CDH4: variants seen among roughly 807,000 people sequenced by gnomAD.
CDH4 encodes the protein cadherin 4, also known as cadherin-4.
In CDH4, 33 loss-of-function variants were observed where a neutral mutation model predicts 86.0. The observed-to-expected ratio is 0.38, with a 90% CI of 0.29 to 0.51. The LOEUF is 0.51. CDH4 is among the 20% of genes least tolerant of loss of function. The pLI, the probability that CDH4 is intolerant of heterozygous loss-of-function variation, is 0.86. For synonymous variants in CDH4, 555 were observed against 549.4 expected, an observed-to-expected ratio of 1.01 and a Z score of -0.14; for missense variants, 1,114 against 1,307.4, an observed-to-expected ratio of 0.85 and a Z score of 2.28.
chr20:61,459,558 G>C (rs554138033), intron 2 of CDH4, among the ~76,000 whole-genome samples: 1 of 150,488 alleles, frequency 6.6e-6, no homozygotes, highest in South Asian at 2.3e-4. Flanking sequence ...GCCTAGGATG[G>C]GGGACGCTCA....
intron 2 of CDH4, among the ~76,000 whole-genome samples, chr20:61,406,315 A>G (rs1410478783): frequency 1.4e-5 from 2 of 145,124 alleles, no homozygotes; most frequent in African/African-American, 2.6e-5. Flanking sequence ...CTCTGCCTGG[A>G]CCACCATCTG....
intron 2 of CDH4, among the ~76,000 whole-genome samples, chr20:61,459,311 G>A (rs1217473279): frequency 6.6e-6 from 1 of 152,054 alleles, no homozygotes; most frequent in Non-Finnish European, 1.5e-5. Context: ...GTGTTCACTT[G>A]TGGGGTTGGG....
intron 2 of CDH4, among the ~76,000 whole-genome samples, chr20:61,679,866 C>T (rs1266990738): frequency 6.6e-6 from 1 of 152,230 alleles, no homozygotes; most frequent in Admixed American, 6.5e-5. Flanking sequence ...GGGCCCCCAT[C>T]TGGGTGGACT....
rs182831126 is a variant in CDH4, at chr20:61,413,984, C to T, written c.169+159047C>T. Among the ~76,000 whole-genome samples, 6 of 152,306 alleles carry T rather than the reference C, an allele frequency of 3.9e-5. No individual in the cohort carries two copies. The East Asian group carries it at 1.2e-3, about 29-fold the overall frequency. On this transcript the variant is annotated intron_variant, in intron 2 of 15. Coordinates refer to ENST00000614565, the MANE Select transcript of CDH4 (RefSeq NM_001794.5). ...TTTCTCCTGAGGCTTCTCTCCTTGG[C>T]TTGTGGATGCCATCTCCACCCTGTG...
chr20:61,776,364 G>A (rs1311656589), intron 4 of CDH4, among the ~76,000 whole-genome samples: 3 of 152,242 alleles, frequency 2.0e-5, no homozygotes, highest in Admixed American at 2.0e-4. Context: ...GAAATGTGCA[G>A]GGAGGAATTG....
intron 2 of CDH4, among the ~76,000 whole-genome samples, chr20:61,574,706 G>A (rs1274232507): frequency 2.6e-5 from 4 of 152,150 alleles, no homozygotes; most frequent in South Asian, 4.2e-4. Flanking sequence ...GAAGTGCTCC[G>A]GCCTCTCCAC....
At chr20:61,898,072 A>T (rs1985215570) in intron 8 of CDH4, among the ~76,000 whole-genome samples, 1 of 151,956 alleles carries the variant, frequency 6.6e-6, no homozygotes, top group Non-Finnish European at 1.5e-5. Flanking sequence ...GTCAGTAAAT[A>T]CTCGGGGTTA....
Position 61,565,202 on chromosome 20 carries a change from GTCGCGGTGCTCTC to G in CDH4, c.170-178360_170-178348del, listed in dbSNP as rs1363342568. On this transcript the variant is annotated intron_variant, in intron 2 of 15. Coordinates refer to ENST00000614565, the MANE Select transcript of CDH4 (RefSeq NM_001794.5). ...GGTGGTGGTGGTCCTCTTGGTGGTG[GTCGCGGTGCTCTC>G]GGTGGTAGGTGGTGGTGGTGGTGGT... Among the ~76,000 whole-genome samples the G allele has an allele frequency of 3.8e-4, 16 of 42,264 alleles. 3 individuals carry two copies. The highest frequency in any genetic ancestry group is 1.4e-3 in the African/African-American group (12 of 8,616). 27.7% of individuals were successfully genotyped at this position (42,264 alleles called of 152,430 possible).
chr20:61,307,110 AGCT>A (rs1044435793), intron 2 of CDH4, among the ~76,000 whole-genome samples: 22 of 97,140 alleles, frequency 2.3e-4, no homozygotes, highest in African/African-American at 6.3e-4. Context: ...GGGAGATAGC[AGCT>A]GCTGCCTTAG....
intron 4 of CDH4, among the ~76,000 whole-genome samples, chr20:61,843,572 T>C (rs549965453): frequency 4.8e-4 from 72 of 151,538 alleles, no homozygotes; most frequent in South Asian, 4.0e-3. Flanking sequence ...CCAGCACCTG[T>C]AGTCCCAGCT....
chr20:61,513,512 A>C (rs2085795578), intron 2 of CDH4, among the ~76,000 whole-genome samples: 1 of 152,184 alleles, frequency 6.6e-6, no homozygotes, highest in African/African-American at 2.4e-5. Context: ...CACAGAAGGC[A>C]CCAGGCCGCC....
chr20:61,416,253 G>T (rs532629309), intron 2 of CDH4, among the ~76,000 whole-genome samples: 42 of 152,164 alleles, frequency 2.8e-4, no homozygotes, highest in African/African-American at 7.7e-4. Flanking sequence ...ACCCACCTCG[G>T]CCTCCCAAAG....
At position 61,514,315 on chromosome 20, in the gene CDH4, GCCCCCC is replaced by G. The variant is rs1265189755; in HGVS notation, c.170-229244_170-229239del. On this transcript the variant is annotated intron_variant, in intron 2 of 15. Transcript: ENST00000614565. The stretch of plus-strand genomic sequence containing the variant: ...GTTCAGGCCTCAGTCCGCCCCCCCC[GCCCCCC>G]CCCACCCCCACCCCCGATGTCTATG... 4.2e-5 allele frequency among the ~76,000 whole-genome samples: 5 copies of G among 118,196 alleles called. No individual in the cohort carries two copies. In the East Asian group the frequency reaches 1.5e-3, roughly 35 times the overall value. 77.5% of individuals were successfully genotyped at this position (118,196 alleles called of 152,430 possible).
intron 4 of CDH4, among the ~76,000 whole-genome samples, chr20:61,804,431 G>A (rs1249971917): frequency 1.3e-5 from 2 of 152,204 alleles, no homozygotes; most frequent in African/African-American, 4.8e-5. Context: ...TCTGGCCTCG[G>A]CCTCACCCAC....
chr20:61,621,123 T>A (rs961467544), intron 2 of CDH4, among the ~76,000 whole-genome samples: 3 of 152,238 alleles, frequency 2.0e-5, no homozygotes, highest in Non-Finnish European at 2.9e-5. Context: ...AGTATTTCTT[T>A]AGTCAAAGGT....
chr20:61,324,956 G>A (rs1379409891), intron 2 of CDH4, among the ~76,000 whole-genome samples: 2 of 152,168 alleles, frequency 1.3e-5, no homozygotes, highest in African/African-American at 4.8e-5. Context: ...TGTTTCTTAA[G>A]CTTGCAGGAA....
chr20:61,583,703 T>G (rs1024418018), intron 2 of CDH4, among the ~76,000 whole-genome samples: 55 of 152,186 alleles, frequency 3.6e-4, no homozygotes, highest in African/African-American at 1.3e-3. Flanking sequence ...GTTTAACATG[T>G]AGGGGTTATC....
intron 2 of CDH4, among the ~76,000 whole-genome samples, chr20:61,546,739 T>G (rs967255669): frequency 1.3e-5 from 2 of 152,016 alleles, no homozygotes; most frequent in Non-Finnish European, 2.9e-5. Flanking sequence ...AGAAGAGAAA[T>G]TCACCAGGAG....
At chr20:61,713,482 G>T (rs528692401) in intron 2 of CDH4, among the ~76,000 whole-genome samples, 6 of 152,366 alleles carry the variant, frequency 3.9e-5, no homozygotes, top group African/African-American at 1.4e-4. Context: ...GGAAATCTTG[G>T]AATTCATCAT....
Sources: allele counts gnomAD v4.1 joint callset (sites outside exome capture counted in the v4.1 genomes callset), GRCh38; gene constraint gnomAD v4.1.1; transcripts MANE v1.5; gene names NCBI Gene and HGNC (gene_info 2026-07-23, HGNC 2026-07-21).